SUCLG2: variants seen among roughly 807,000 people sequenced by gnomAD.
SUCLG2 encodes succinate-CoA ligase GDP-forming subunit beta.
Under a neutral mutation model 47.9 loss-of-function variants are expected in SUCLG2, and 42 were observed. The ratio of observed to expected loss-of-function variants is 0.88; its 90% confidence interval spans 0.69 to 1.14. The LOEUF (loss-of-function observed/expected upper bound fraction) is 1.14, where lower values mean the gene tolerates loss of function less well. SUCLG2 is among the 50% of genes most tolerant of loss of function. SUCLG2 has a pLI of 0.00. For missense variants in SUCLG2, 571 were observed against 525.9 expected (o/e 1.09, Z -0.84); for synonymous variants, 195 against 197.3 (o/e 0.99, Z 0.10).
At position 67,534,732 on chromosome 3, in the gene SUCLG2, A is replaced by C. The variant is rs149881370; in HGVS notation, c.227-5546T>G. 4.1e-3 allele frequency among the ~76,000 whole-genome samples: 607 copies of C among 149,224 alleles called. 7 individuals are homozygous for C. The East Asian group carries it at 0.05, about 12-fold the overall frequency. ...TTATATTAAAAGATATATTTCTACA[A>C]AAAAGCCTTAGGACAGAACTCCCTA... On this transcript the variant is annotated intron_variant, in intron 2 of 10. Transcript: ENST00000307227.
intron 10 of SUCLG2, among the ~76,000 whole-genome samples, chr3:67,389,146 G>A (rs1468096870): frequency 6.6e-6 from 1 of 152,060 alleles, no homozygotes; most frequent in Non-Finnish European, 1.5e-5. Flanking sequence ...AATTGCCACA[G>A]ATATAAAGTG....
At chr3:67,386,753 T>C (rs534525388) in intron 10 of SUCLG2, among the ~76,000 whole-genome samples, 5 of 152,212 alleles carry the variant, frequency 3.3e-5, no homozygotes, top group African/African-American at 4.8e-5. Flanking sequence ...ATTATTACAA[T>C]TCAAGATGAG....
chr3:67,615,621 A>AACACAAAC (rs369071144), intron 1 of SUCLG2, among the ~76,000 whole-genome samples: 2 of 142,168 alleles, frequency 1.4e-5, no homozygotes, highest in African/African-American at 2.6e-5. Flanking sequence ...CACAAACACA[A>AACACAAAC]ACACACACAC....
At chr3:67,389,926 G>C (rs1201129640) in intron 10 of SUCLG2, among the ~76,000 whole-genome samples, 5 of 152,132 alleles carry the variant, frequency 3.3e-5, no homozygotes, top group Admixed American at 1.3e-4. Flanking sequence ...GTCTAGCTAG[G>C]GAGAGTGAGG....
At chr3:67,394,616 G>A (rs372304921) in intron 10 of SUCLG2, among the ~76,000 whole-genome samples, 1 of 151,962 alleles carries the variant, frequency 6.6e-6, no homozygotes, top group Non-Finnish European at 1.5e-5. Flanking sequence ...TTATCCAAGA[G>A]AACTTCCCCA....
At chr3:67,654,361 C>A in intron 1 of SUCLG2, 142 bp downstream of exon 1, 1 of 603,172 alleles carries the variant, frequency 1.7e-6, no homozygotes, top group Non-Finnish European at 2.4e-6. Context: ...CGCCTGGACC[C>A]GGCGCCGCGT....
chr3:67,502,128 C>T (rs1559549722), intron 7 of SUCLG2, among the ~76,000 whole-genome samples: 1 of 152,084 alleles, frequency 6.6e-6, no homozygotes, highest in Non-Finnish European at 1.5e-5. Context: ...CCTATGGGAT[C>T]TGACTCTAAT....
chr3:67,623,088 T>TATAC (rs1288240817), intron 1 of SUCLG2, among the ~76,000 whole-genome samples: 1 of 152,140 alleles, frequency 6.6e-6, no homozygotes, highest in Non-Finnish European at 1.5e-5. Context: ...TATATATATA[T>TATAC]ACCTATGTGT....
intron 10 of SUCLG2, among the ~76,000 whole-genome samples, chr3:67,386,990 T>C (rs1301133060): frequency 6.6e-6 from 1 of 152,188 alleles, no homozygotes; most frequent in Non-Finnish European, 1.5e-5. Flanking sequence ...TTTGTATCTC[T>C]TTCTTCTTCC....
intron 10 of SUCLG2, among the ~76,000 whole-genome samples, chr3:67,380,692 AGAGAGAGAGGGAGATAG>A (rs1702139355): frequency 1.3e-5 from 1 of 79,408 alleles, no homozygotes; most frequent in Admixed American, 1.4e-4. Context: ...GGGGGTAGAG[AGAGAGAGAGGGAGATAG>A]AGAGAGAGAC....
intron 9 of SUCLG2, among the ~76,000 whole-genome samples, chr3:67,402,356 C>G (rs973158287): frequency 1.3e-5 from 2 of 152,098 alleles, no homozygotes; most frequent in Non-Finnish European, 1.5e-5. Flanking sequence ...ATGTTGAATT[C>G]AAATATAATG....
intron 1 of SUCLG2, among the ~76,000 whole-genome samples, chr3:67,649,194 T>C (rs1402165969): frequency 1.3e-5 from 2 of 152,154 alleles, no homozygotes; most frequent in Non-Finnish European, 2.9e-5. Context: ...GGGTAAGTGG[T>C]TGACAGAGGC....
At chr3:67,437,639 C>A (rs1703656149) in intron 9 of SUCLG2, among the ~76,000 whole-genome samples, 1 of 151,654 alleles carries the variant, frequency 6.6e-6, no homozygotes, top group African/African-American at 2.4e-5. Context: ...GGGTAAATTT[C>A]TTCTATTTTT....
chr3:67,446,388 C>T (rs1471690409), intron 9 of SUCLG2, among the ~76,000 whole-genome samples: 1 of 131,360 alleles, frequency 7.6e-6, no homozygotes, highest in Non-Finnish European at 1.6e-5. Flanking sequence ...AATTAGATCT[C>T]TCCGGTATCT....
At chr3:67,374,177 C>T (rs1575654045), downstream of SUCLG2, among the ~76,000 whole-genome samples, 1 of 152,158 alleles carries the variant, frequency 6.6e-6, no homozygotes, top group East Asian at 1.9e-4. Flanking sequence ...ACTAAGAAGA[C>T]ATTGTTAATA....
intron 10 of SUCLG2, among the ~76,000 whole-genome samples, chr3:67,364,434 C>G (rs1291169757): frequency 1.3e-5 from 2 of 151,908 alleles, no homozygotes; most frequent in Admixed American, 1.3e-4. Flanking sequence ...TCCACCCCCC[C>G]CACCCCCAAG....
At chr3:67,518,410 T>C in intron 5 of SUCLG2, 74 bp from the exon 6 acceptor site, 1 of 1,384,878 alleles carries the variant, frequency 7.2e-7, no homozygotes. Flanking sequence ...AAGAAAATGC[T>C]TAGTATTTAT....
intron 10 of SUCLG2, among the ~76,000 whole-genome samples, chr3:67,387,395 G>T (rs1702282643): frequency 6.6e-6 from 1 of 152,142 alleles, no homozygotes; most frequent in Non-Finnish European, 1.5e-5. Context: ...CTTAAAGGGG[G>T]AAAGGTCTCT....
At chr3:67,600,428 CT>C (rs935882520) in intron 2 of SUCLG2, among the ~76,000 whole-genome samples, 3 of 152,120 alleles carry the variant, frequency 2.0e-5, no homozygotes, top group Non-Finnish European at 4.4e-5. Context: ...TCAATCATTC[CT>C]TGAAGTATGT....
Sources: gnomAD v4.1 joint callset for allele counts (sites outside exome capture counted in the v4.1 genomes callset) on GRCh38, gnomAD v4.1.1 for gene constraint, MANE v1.5 for transcripts, NCBI Gene and HGNC (gene_info 2026-07-23, HGNC 2026-07-21) for gene names.